The following TSNARE1 variants were observed in gnomAD, a reference collection of about 807,000 sequenced individuals.
TSNARE1 encodes t-SNARE domain containing 1, also known as t-SNARE domain-containing protein 1.
A neutral mutation model predicts 62.0 loss-of-function variants in TSNARE1; 49 were observed. That is an observed-to-expected ratio of 0.79 (90% CI 0.63 to 1.00). The LOEUF (loss-of-function observed/expected upper bound fraction) is 1.00. TSNARE1 is among the 50% of genes least tolerant of loss of function. The probability of loss-of-function intolerance (pLI) is 0.00; values close to 1 mark genes in which losing one functional copy is unlikely to be tolerated. For synonymous variants in TSNARE1, 328 were observed against 294.4 expected, an observed-to-expected ratio of 1.11 and a Z score of -1.17; for missense variants, 755 against 700.1, an observed-to-expected ratio of 1.08 and a Z score of -0.88.
At chr8:142,375,892 C>T (rs1341274000) in intron 1 of TSNARE1, among the ~76,000 whole-genome samples, 3 of 152,124 alleles carry the variant, frequency 2.0e-5, no homozygotes, top group African/African-American at 4.8e-5. Flanking sequence ...GATGTGTGGA[C>T]GCCTGCAGGG....
At chr8:142,236,601 T>G (rs566113663) in intron 12 of TSNARE1, among the ~76,000 whole-genome samples, 153 of 151,520 alleles carry the variant, frequency 1.0e-3, no homozygotes, top group Admixed American at 4.7e-3. Context: ...ATGAATGAAT[T>G]AATTAATTAA....
At chr8:142,235,906 C>T (rs562304596) in intron 12 of TSNARE1, among the ~76,000 whole-genome samples, 1 of 152,026 alleles carries the variant, frequency 6.6e-6, no homozygotes, top group Non-Finnish European at 1.5e-5. Context: ...AGGAGCATGG[C>T]GGGGCAGGAG....
intron 1 of TSNARE1, among the ~76,000 whole-genome samples, chr8:142,397,840 C>A (rs1838005752): frequency 6.6e-6 from 1 of 152,162 alleles, no homozygotes; most frequent in Non-Finnish European, 1.5e-5. Flanking sequence ...ACAAGGCACC[C>A]AGCACACAGT....
At chr8:142,331,687 C>T (rs950470320) in intron 5 of TSNARE1, 67 bp downstream of exon 5, 2 of 1,481,506 alleles carry the variant, frequency 1.3e-6, no homozygotes, top group Admixed American at 3.9e-5. Context: ...ACCCTCGCCT[C>T]CAATGTCGCA....
At chr8:142,328,830 G>T (rs1387409924) in intron 6 of TSNARE1, among the ~76,000 whole-genome samples, 2 of 25,146 alleles carry the variant, frequency 8.0e-5, no homozygotes, top group East Asian at 1.9e-3. Context: ...GGGGGGGGGA[G>T]GGTTCCGCAC....
intron 9 of TSNARE1, 78 bp from the exon 10 acceptor site, chr8:142,300,722 ATGG>A: frequency 1.3e-6 from 2 of 1,502,294 alleles, no homozygotes; most frequent in Non-Finnish European, 1.8e-6. Flanking sequence ...ATTCAACAAA[ATGG>A]TGCTTTTCCC....
chr8:142,221,415 C>T (rs1816204774), intron 13 of TSNARE1, among the ~76,000 whole-genome samples: 1 of 152,236 alleles, frequency 6.6e-6, no homozygotes, highest in African/African-American at 2.4e-5. Flanking sequence ...GGCTTTGAGG[C>T]TGATATCTCA....
chr8:142,316,909 T>G (rs1049861602), intron 7 of TSNARE1, among the ~76,000 whole-genome samples: 1 of 151,920 alleles, frequency 6.6e-6, no homozygotes, highest in Admixed American at 6.6e-5. Flanking sequence ...CCTGTAGGAC[T>G]GGCTGAGCCA....
At chr8:142,273,976 C>G (rs1160264103) in intron 12 of TSNARE1, 1 of 985,096 alleles carries the variant, frequency 1.0e-6, no homozygotes, top group Non-Finnish European at 1.2e-6. Context: ...TCTCGTCTGC[C>G]AATACTGCCC....
intron 11 of TSNARE1, chr8:142,277,889 C>T: frequency 1.0e-6 from 1 of 985,396 alleles, no homozygotes; most frequent in Non-Finnish European, 1.2e-6. Flanking sequence ...ACACCAGTGC[C>T]ACCCCTGCCA....
At chr8:142,327,228 G>C (rs942853871) in intron 6 of TSNARE1, among the ~76,000 whole-genome samples, 1 of 152,226 alleles carries the variant, frequency 6.6e-6, no homozygotes, top group Non-Finnish European at 1.5e-5. Context: ...ACCAGCTGGT[G>C]AATGGGTCTG....
chr8:142,236,368 A>T (rs920308187), intron 12 of TSNARE1, among the ~76,000 whole-genome samples: 1 of 151,762 alleles, frequency 6.6e-6, no homozygotes, highest in African/African-American at 2.4e-5. Context: ...GAGCCTGGCC[A>T]GGGCTGAGCC....
chr8:142,398,927 C>T (rs1838095435), intron 1 of TSNARE1, among the ~76,000 whole-genome samples: 1 of 152,186 alleles, frequency 6.6e-6, no homozygotes, highest in Admixed American at 6.5e-5. Context: ...GCCACCTTCA[C>T]CCCCATCCCA....
chr8:142,303,511 G>A (rs577591133), intron 9 of TSNARE1, among the ~76,000 whole-genome samples: 3 of 152,344 alleles, frequency 2.0e-5, no homozygotes, highest in South Asian at 2.1e-4. Context: ...GGAGGGCTCC[G>A]CCCCGTCTCA....
intron 11 of TSNARE1, chr8:142,275,450 G>A: frequency 1.0e-6 from 1 of 985,346 alleles, no homozygotes; most frequent in Non-Finnish European, 1.2e-6. Context: ...GTGCCACCCA[G>A]GGAAGCCACA....
intron 1 of TSNARE1, among the ~76,000 whole-genome samples, chr8:142,367,516 G>A (rs560250042): frequency 2.6e-5 from 4 of 152,228 alleles, no homozygotes; most frequent in East Asian, 1.9e-4. Flanking sequence ...GATGGACGCC[G>A]GGGCGGGGGA....
chr8:142,278,341 C>G (rs1490608756), intron 11 of TSNARE1: 1 of 985,338 alleles, frequency 1.0e-6, no homozygotes, highest in East Asian at 1.1e-4. Context: ...ATGGCTGCCA[C>G]TGGGGGCGTT....
intron 11 of TSNARE1, among the ~76,000 whole-genome samples, chr8:142,283,751 C>A (rs1261422305): frequency 8.9e-6 from 1 of 112,374 alleles, no homozygotes; most frequent in Non-Finnish European, 2.0e-5. Context: ...TGTCTGTCAA[C>A]GAGCAGAGGC....
At chr8:142,370,600 AC>A (rs1252937597) in intron 1 of TSNARE1, among the ~76,000 whole-genome samples, 1 of 152,058 alleles carries the variant, frequency 6.6e-6, no homozygotes, top group Non-Finnish European at 1.5e-5. Context: ...CCCAACAACA[AC>A]AAAAAGCTCA....
Sources: allele counts gnomAD v4.1 joint callset (sites outside exome capture counted in the v4.1 genomes callset), GRCh38; gene constraint gnomAD v4.1.1; transcripts MANE v1.5; gene names NCBI Gene and HGNC (gene_info 2026-07-23, HGNC 2026-07-21).